MET: variants seen among roughly 807,000 people sequenced by gnomAD.
The protein encoded by MET is hepatocyte growth factor receptor.
In MET, 48 loss-of-function variants were observed where a neutral mutation model predicts 133.1. The ratio of observed to expected loss-of-function variants is 0.36; its 90% CI spans 0.29 to 0.46. MET has a LOEUF of 0.46. MET is among the 20% of genes least tolerant of loss of function. The probability of loss-of-function intolerance (pLI) is 1.00; values close to 1 mark genes in which losing one functional copy is unlikely to be tolerated. For synonymous variants in MET, 628 were observed against 616.5 expected (o/e 1.02, Z -0.28); for missense variants, 1,442 against 1,695.9 (o/e 0.85, Z 2.63).
At chr7:116,680,720 T>C (rs1796322822) in intron 1 of MET, among the ~76,000 whole-genome samples, 1 of 152,096 alleles carries the variant, frequency 6.6e-6, no homozygotes, top group African/African-American at 2.4e-5. Flanking sequence ...GGTGGGTGGA[T>C]GGCTTGAGCT....
chr7:116,679,285 A>T (rs1255558682), intron 1 of MET, among the ~76,000 whole-genome samples: 2 of 152,178 alleles, frequency 1.3e-5, no homozygotes, highest in Non-Finnish European at 1.5e-5. Flanking sequence ...TCCATCTGTC[A>T]TACCTTGGAA....
intron 19 of MET, among the ~76,000 whole-genome samples, chr7:116,792,160 A>G (rs2117094971): frequency 6.6e-6 from 1 of 152,056 alleles, no homozygotes; most frequent in African/African-American, 2.4e-5. Context: ...AGATTTGCCT[A>G]TCATCCTTCC....
chr7:116,737,729 T>C (rs1793274288), intron 3 of MET, among the ~76,000 whole-genome samples: 1 of 148,422 alleles, frequency 6.7e-6, no homozygotes, highest in Non-Finnish European at 1.5e-5. Context: ...ACAAAGCTTT[T>C]TAACAGAGGA....
rs761183186 is a variant in MET at position 116,757,480 on chromosome 7, A to G, written c.1906A>G (p.Met636Val). 1.5e-5 allele frequency: 24 copies of G among 1,613,708 alleles called. No homozygotes were observed. In the East Asian group the frequency reaches 2.5e-4, roughly 16 times the overall value. Residue 636 changes from methionine (M) to valine (V), a missense_variant, in exon 7 of 21, where the codon ATG becomes GTG. Met to Val is a conservative substitution (Grantham distance 21, BLOSUM62 1). This residue lies in a region of MET where 762 missense variants were observed against 792.4 expected (regional missense o/e 0.96). Coordinates refer to ENST00000397752, the MANE Select transcript of MET (RefSeq NM_000245.4). ...TCCTGCCATGAATAAGCATTTCAAT[A>G]TGTCCATAATTATTTCAAATGGCCA... is the stretch of plus-strand genomic sequence containing the variant. ...VGPAMNKHFN[M>V]SIIISNGHGT... is the part of the protein sequence containing the mutation.
rs1412870024 is a variant in MET, at chr7:116,755,465, C to T, written c.1812C>T (p.Leu604=). The T allele has an allele frequency of 1.9e-6, 3 of 1,613,890 alleles. No homozygotes were observed. The highest frequency in any genetic ancestry group is 2.5e-6 in the Non-Finnish European group (3 of 1,180,006). ...TTGATTTAAAGAAAACTAGAGTTCT[C>T]CTTGGAAATGAGAGCTGCACCTTGA... The part of the protein sequence containing the change: ...NKFDLKKTRV[L]LGNESCTLTL... The change falls in exon 6 of 21, where the codon CTC becomes CTT. Residue 604 remains leucine (L), a synonymous_variant. Coordinates refer to ENST00000397752, the MANE Select transcript of MET (RefSeq NM_000245.4).
At position 116,672,498 on chromosome 7, in the gene MET, T is replaced by A. The variant is rs1007572081; in HGVS notation, c.-94T>A. The A allele has an allele frequency of 7.5e-6, 3 of 397,974 alleles. No homozygotes were observed. The highest frequency in any genetic ancestry group is 4.1e-5 in the African/African-American group (2 of 48,586). The allele number at this position is 397,974 out of a possible 1,614,324, so 24.7% of individuals were successfully genotyped here. A position where few individuals can be genotyped will look rare whatever the true frequency, so the allele number is the denominator to read the frequency against. On this transcript the variant is annotated 5_prime_UTR_variant, in exon 1 of 21. Transcript: ENST00000397752. ...AGATGCGGGGCGACAGCTGACTTGC[T>A]GAGAGGAGGCGGGGAGGCGCGGAGC...
At chr7:116,712,262 C>G (rs950659484) in intron 2 of MET, among the ~76,000 whole-genome samples, 1 of 152,150 alleles carries the variant, frequency 6.6e-6, no homozygotes, top group Non-Finnish European at 1.5e-5. Context: ...ACATTTTTCC[C>G]TAGCCTTCAA....
intron 1 of MET, among the ~76,000 whole-genome samples, chr7:116,682,022 A>G (rs1422160320): frequency 6.6e-6 from 1 of 152,086 alleles, no homozygotes; most frequent in Non-Finnish European, 1.5e-5. Flanking sequence ...CAAAATTAAG[A>G]TATTTCTAAA....
At chr7:116,691,480 C>A (rs1211634426) in intron 1 of MET, among the ~76,000 whole-genome samples, 1 of 152,052 alleles carries the variant, frequency 6.6e-6, no homozygotes, top group Non-Finnish European at 1.5e-5. Context: ...AGCTCAGGAC[C>A]TTTTCAGGAG....
intron 19 of MET, among the ~76,000 whole-genome samples, chr7:116,794,263 C>T (rs1196217305): frequency 6.6e-6 from 1 of 152,150 alleles, no homozygotes; most frequent in African/African-American, 2.4e-5. Flanking sequence ...TCAATTGATA[C>T]TTGTTAAATT....
At chr7:116,696,111 T>C (rs893559509) in intron 1 of MET, among the ~76,000 whole-genome samples, 19 of 152,154 alleles carry the variant, frequency 1.2e-4, no homozygotes, top group African/African-American at 4.3e-4. Context: ...TCAAGTGATC[T>C]GCCCACCTCA....
At chr7:116,725,893 G>A (rs890942044) in intron 2 of MET, among the ~76,000 whole-genome samples, 11 of 149,042 alleles carry the variant, frequency 7.4e-5, no homozygotes, top group Admixed American at 2.0e-4. Flanking sequence ...TATTATTAGC[G>A]GGGTGTGGTA....
chr7:116,716,983 G>A (rs564146639), intron 2 of MET, among the ~76,000 whole-genome samples: 1 of 152,272 alleles, frequency 6.6e-6, no homozygotes, highest in South Asian at 2.1e-4. Context: ...TCCCTTGCTA[G>A]GACTTCCAGG....
chr7:116,748,304 A>G (rs1047437236), intron 5 of MET, among the ~76,000 whole-genome samples: 23 of 152,342 alleles, frequency 1.5e-4, no homozygotes, highest in African/African-American at 5.1e-4. Context: ...CTACCTGGAA[A>G]CTGAATAACC....
intron 3 of MET, among the ~76,000 whole-genome samples, chr7:116,736,311 G>A (rs919968749): frequency 6.6e-6 from 1 of 151,652 alleles, no homozygotes; most frequent in Non-Finnish European, 1.5e-5. Flanking sequence ...AGGGATGTGG[G>A]GCTTCTTTTT....
chr7:116,734,036 C>A (rs28841), intron 3 of MET, among the ~76,000 whole-genome samples: 2 of 152,296 alleles, frequency 1.3e-5, no homozygotes, highest in African/African-American at 2.4e-5. Context: ...AATAATAGTG[C>A]GGGAGGAGTC....
intron 12 of MET, among the ~76,000 whole-genome samples, chr7:116,770,324 T>C (rs1794791844): frequency 6.6e-6 from 1 of 152,228 alleles, no homozygotes; most frequent in Non-Finnish European, 1.5e-5. Flanking sequence ...TATTGTGATG[T>C]AATTCACATA....
In MET at chr7:116,699,092, C is replaced by T. The variant is rs1797064164; in HGVS notation, c.8C>T (p.Ala3Val). 1.2e-6 allele frequency: 2 copies of T among 1,613,818 alleles called. No homozygotes were observed. The highest frequency in any genetic ancestry group is 1.7e-6 in the Non-Finnish European group (2 of 1,179,832). The change falls in exon 2 of 21, where the codon GCC becomes GTC. Residue 3 changes from alanine to valine, a missense_variant. Around this residue, in one of 6 missense-constraint regions of MET, gnomAD observed 762 missense variants for 792.4 expected, o/e 0.96. Transcript: ENST00000397752. MK[A>V]PAVLAPGILV... Reference sequence around the variant, plus strand: ...GCAGATAAACCTCTCATAATGAAGGCCCCCGCTGTGCTTGCACCTGGCATC... The same window carrying T: ...GCAGATAAACCTCTCATAATGAAGGTCCCCGCTGTGCTTGCACCTGGCATC...
Position 116,796,154 on chromosome 7 carries a change from C to T in MET, c.*30C>T. ...AGTACTATGTCAAAGCAACAGTCCA[C>T]ACTTTGTCCAATGGTTTTTTCACTG... On this transcript the variant is annotated 3_prime_UTR_variant, in exon 21 of 21. Coordinates refer to ENST00000397752, the MANE Select transcript of MET (RefSeq NM_000245.4). 1 of 1,596,560 alleles carries T rather than the reference C, an allele frequency of 6.3e-7. No individual in the cohort carries two copies. Among genetic ancestry groups the T allele is most frequent in the Non-Finnish European group, 8.6e-7 (1 of 1,165,316 alleles).
Sources: gnomAD v4.1 joint callset for allele counts (sites outside exome capture counted in the v4.1 genomes callset) on GRCh38, gnomAD v4.1.1 for gene constraint, gnomAD v4.1.1 regional missense constraint, MANE v1.5 for transcripts, NCBI Gene and HGNC (gene_info 2026-07-23, HGNC 2026-07-21) for gene names.